GRAMD1B: variants seen among roughly 807,000 people sequenced by gnomAD.
The protein encoded by GRAMD1B is protein Aster-B.
Under a neutral mutation model 99.7 loss-of-function variants are expected in GRAMD1B, and 37 were observed. The observed-to-expected ratio is 0.37, with a 90% confidence interval of 0.29 to 0.49. GRAMD1B has a LOEUF of 0.49. GRAMD1B is among the 20% of genes least tolerant of loss of function. The pLI, the probability that GRAMD1B is intolerant of heterozygous loss-of-function variation, is 0.98. For synonymous variants in GRAMD1B, 427 were observed against 387.6 expected (o/e 1.10, Z -1.19); for missense variants, 888 against 1,009.2 (o/e 0.88, Z 1.63).
intron 1 of GRAMD1B, among the ~76,000 whole-genome samples, chr11:123,360,561 G>A (rs1333777537): frequency 6.6e-6 from 1 of 152,190 alleles, no homozygotes; most frequent in Non-Finnish European, 1.5e-5. Flanking sequence ...GTTTGGTTTT[G>A]GAGATTTGGG....
At chr11:123,391,104 C>T (rs1428846745) in intron 1 of GRAMD1B, among the ~76,000 whole-genome samples, 3 of 152,238 alleles carry the variant, frequency 2.0e-5, no homozygotes, top group Non-Finnish European at 4.4e-5. Flanking sequence ...TCTCTCTACC[C>T]AGCTCTGCTC....
intron 2 of GRAMD1B, among the ~76,000 whole-genome samples, chr11:123,502,062 A>G (rs115208592): frequency 0.019 from 2,867 of 152,244 alleles, 109 homozygotes; most frequent in African/African-American, 0.065. Context: ...CCAGTAAACC[A>G]TTCTCCTTCA....
chr11:123,588,655 C>G (rs58161481), intron 4 of GRAMD1B, among the ~76,000 whole-genome samples: 30 of 152,212 alleles, frequency 2.0e-4, no homozygotes, highest in African/African-American at 6.7e-4. Flanking sequence ...ACATGCAGGG[C>G]GAAGAGAAGT....
Position 123,605,084 on chromosome 11 carries a change from T to A in GRAMD1B, c.1167-238T>A, listed in dbSNP as rs562981278. 3.2e-5 allele frequency among the ~76,000 whole-genome samples: 4 copies of A among 124,226 alleles called. No individual in the cohort carries two copies. In the Admixed American group the frequency reaches 4.4e-4, roughly 14 times the overall value. The allele number at this position is 124,226 out of a possible 152,430, so 81.5% of individuals were successfully genotyped here. On this transcript the variant is annotated intron_variant, in intron 9 of 19. Coordinates refer to ENST00000635736, the MANE Select transcript of GRAMD1B (RefSeq NM_001387025.1). ...CTCTAAGGAGGCTGCCTAGGAAAGG[T>A]GAGTTTGCAGCCAGGAATTTTACAT... is the stretch of plus-strand genomic sequence containing the variant.
intron 1 of GRAMD1B, among the ~76,000 whole-genome samples, chr11:123,474,139 G>A (rs1484127388): frequency 1.3e-5 from 2 of 152,190 alleles, no homozygotes; most frequent in African/African-American, 2.4e-5. Context: ...AATACTCAGT[G>A]TAATAGATAT....
At chr11:123,565,170 C>T (rs1947215802) in intron 2 of GRAMD1B, among the ~76,000 whole-genome samples, 1 of 151,116 alleles carries the variant, frequency 6.6e-6, no homozygotes, top group South Asian at 2.1e-4. Flanking sequence ...ACAGCTGGGA[C>T]TACAGGCATC....
intron 1 of GRAMD1B, among the ~76,000 whole-genome samples, chr11:123,390,964 C>G (rs1214755266): frequency 6.6e-6 from 1 of 152,222 alleles, no homozygotes; most frequent in Non-Finnish European, 1.5e-5. Flanking sequence ...AGGCTTAGAT[C>G]CACTCAGCTG....
intron 4 of GRAMD1B, among the ~76,000 whole-genome samples, chr11:123,590,185 T>C (rs940072752): frequency 4.6e-5 from 7 of 152,172 alleles, no homozygotes; most frequent in African/African-American, 1.7e-4. Flanking sequence ...ATAGGGTCCA[T>C]GGGAAGGAAG....
chr11:123,460,070 G>C (rs184521424), intron 1 of GRAMD1B: 1 of 135,918 alleles, frequency 7.4e-6, no homozygotes, highest in Non-Finnish European at 1.5e-5. Flanking sequence ...TTGGACATAC[G>C]TGTGTGTGTG....
chr11:123,466,414 GAA>G (rs1037765404), intron 1 of GRAMD1B, among the ~76,000 whole-genome samples: 130 of 147,964 alleles, frequency 8.8e-4, no homozygotes, highest in African/African-American at 3.1e-3. Flanking sequence ...AAGGAAGAAA[GAA>G]AGAGAAAAAG....
At chr11:123,614,640 A>G (rs1483750305) in intron 16 of GRAMD1B, 105 bp from the exon 17 acceptor site, 2 of 646,180 alleles carry the variant, frequency 3.1e-6, no homozygotes, top group African/African-American at 1.8e-5. Context: ...TGTCATGGAC[A>G]TTTTTCCATC....
At chr11:123,548,325 T>TATATATATATATACACAC (rs1555067740) in intron 2 of GRAMD1B, among the ~76,000 whole-genome samples, 12 of 86,888 alleles carry the variant, frequency 1.4e-4, no homozygotes, top group African/African-American at 5.6e-4. Context: ...TATATATATA[T>TATATATATATATACACAC]ACACACACAC....
At chr11:123,572,621 G>A (rs1002617593) in intron 2 of GRAMD1B, among the ~76,000 whole-genome samples, 1 of 152,218 alleles carries the variant, frequency 6.6e-6, no homozygotes, top group Non-Finnish European at 1.5e-5. Context: ...GGACATGTAA[G>A]GGGTATATGT....
At chr11:123,417,157 G>A (rs1948258662) in intron 1 of GRAMD1B, among the ~76,000 whole-genome samples, 1 of 152,082 alleles carries the variant, frequency 6.6e-6, no homozygotes, top group Non-Finnish European at 1.5e-5. Context: ...GGCGGACCAC[G>A]AGGTCGGGAG....
intron 4 of GRAMD1B, among the ~76,000 whole-genome samples, chr11:123,585,023 G>A (rs1262860181): frequency 6.6e-6 from 1 of 152,242 alleles, no homozygotes; most frequent in African/African-American, 2.4e-5. Context: ...AGCTGTCTGA[G>A]GCTCTCAGCT....
chr11:123,608,648 CT>C lies in GRAMD1B; in HGVS notation c.1514-9del. The C allele has an allele frequency of 1.9e-6, 3 of 1,576,644 alleles. No individual in the cohort carries two copies. Among genetic ancestry groups the C allele is most frequent in the Non-Finnish European group, 2.6e-6 (3 of 1,160,154 alleles). On this transcript the variant is annotated splice_polypyrimidine_tract_variant and intron_variant, in intron 11 of 19. Coordinates refer to ENST00000635736, the MANE Select transcript of GRAMD1B (RefSeq NM_001387025.1). ...GTCACTGTCTACTTCCTGATCCTCT[CT>C]TCTGTGCAGGAGAGGTCCAGGCCTT...
intron 2 of GRAMD1B, among the ~76,000 whole-genome samples, chr11:123,555,311 T>C (rs1039328464): frequency 6.6e-6 from 1 of 152,136 alleles, no homozygotes; most frequent in Non-Finnish European, 1.5e-5. Context: ...AGATGTTTAT[T>C]TATGGAAGTA....
intron 19 of GRAMD1B, 130 bp from the exon 20 acceptor site, chr11:123,622,376 G>A: frequency 1.6e-6 from 1 of 635,054 alleles, no homozygotes; most frequent in Non-Finnish European, 2.9e-6. Flanking sequence ...TGCTTTAGGT[G>A]CCCGACTCTT....
intron 8 of GRAMD1B, among the ~76,000 whole-genome samples, 177 bp downstream of exon 8, chr11:123,600,725 G>A (rs562237936): frequency 9.2e-5 from 14 of 152,122 alleles, no homozygotes; most frequent in Non-Finnish European, 1.9e-4. Flanking sequence ...CAGGAGTAAG[G>A]CACTCATTGT....
Sources: gnomAD v4.1 joint callset for allele counts (sites outside exome capture counted in the v4.1 genomes callset) on GRCh38, gnomAD v4.1.1 for gene constraint, MANE v1.5 for transcripts, NCBI Gene and HGNC (gene_info 2026-07-23, HGNC 2026-07-21) for gene names.